CHST11: variants seen among roughly 807,000 people sequenced by gnomAD.
CHST11 encodes C4S-1.
Under a neutral mutation model 30.4 loss-of-function variants are expected in CHST11, and 9 were observed. The ratio of observed to expected loss-of-function variants is 0.30; its 90% CI spans 0.18 to 0.52. CHST11 has a LOEUF of 0.52. Among genes scored for constraint, CHST11 ranks in the 20% least tolerant of loss-of-function variants. The pLI is 0.97. For missense variants in CHST11, 348 were observed against 460.6 expected, an observed-to-expected ratio of 0.76 and a Z score of 2.24; for synonymous variants, 152 against 187.8, an observed-to-expected ratio of 0.81 and a Z score of 1.56.
chr12:104,529,052 A>G (rs545237964), intron 1 of CHST11, among the ~76,000 whole-genome samples: 123 of 152,338 alleles, frequency 8.1e-4, no homozygotes, highest in African/African-American at 2.6e-3. Context: ...ATTTTACCTT[A>G]GTGCTCAGGC....
At position 104,506,838 on chromosome 12, in the gene CHST11, A is replaced by G. The variant is rs2135978508; in HGVS notation, c.118+49309A>G. ...GTTACTTGGCTAGAGGAGGGACCAC[A>G]GGGAGGGGAGAGGGGACATATACAG... On this transcript the variant is annotated intron_variant, in intron 1 of 2. Transcript: ENST00000303694. Among the ~76,000 whole-genome samples the G allele has an allele frequency of 2.0e-5, 3 of 152,274 alleles. 1 individual carries two copies. In the South Asian group the frequency reaches 6.2e-4, roughly 32 times the overall value.
chr12:104,704,077 G>A (rs1180876175), intron 2 of CHST11, among the ~76,000 whole-genome samples: 12 of 152,204 alleles, frequency 7.9e-5, no homozygotes, highest in Non-Finnish European at 1.0e-4. Flanking sequence ...GAAGTCAAAC[G>A]TTCGTCGAAC....
intron 2 of CHST11, among the ~76,000 whole-genome samples, chr12:104,670,080 G>T (rs527503416): frequency 6.6e-6 from 1 of 152,212 alleles, no homozygotes; most frequent in Admixed American, 6.5e-5. Flanking sequence ...GGACAGAGGC[G>T]GAAGCTTGCC....
chr12:104,505,977 A>C (rs2037900691), intron 1 of CHST11, among the ~76,000 whole-genome samples: 1 of 152,216 alleles, frequency 6.6e-6, no homozygotes, highest in Non-Finnish European at 1.5e-5. Context: ...TGGGGTGGGA[A>C]GTGAGGCTGG....
chr12:104,519,405 G>A (rs2038055833), intron 1 of CHST11, among the ~76,000 whole-genome samples: 1 of 152,126 alleles, frequency 6.6e-6, no homozygotes, highest in Admixed American at 6.5e-5. Context: ...TAAACTTAAA[G>A]GAGGGCACAG....
At chr12:104,475,312 A>G (rs949644568) in intron 1 of CHST11, among the ~76,000 whole-genome samples, 1 of 152,066 alleles carries the variant, frequency 6.6e-6, no homozygotes, top group Non-Finnish European at 1.5e-5. Context: ...CAGACCCATA[A>G]TTGTTAGCTG....
chr12:104,585,441 A>C (rs2038794501), intron 1 of CHST11, among the ~76,000 whole-genome samples: 1 of 152,262 alleles, frequency 6.6e-6, no homozygotes, highest in Non-Finnish European at 1.5e-5. Flanking sequence ...ATAATTAGAA[A>C]GACAAGGGAG....
chr12:104,611,529 A>C (rs2039059535), intron 2 of CHST11, among the ~76,000 whole-genome samples: 1 of 152,342 alleles, frequency 6.6e-6, no homozygotes. Context: ...TCCAGTAGCT[A>C]CTATGGGCCA....
At chr12:104,557,690 G>A (rs1737423242) in intron 1 of CHST11, among the ~76,000 whole-genome samples, 1 of 152,060 alleles carries the variant, frequency 6.6e-6, no homozygotes, top group African/African-American at 2.4e-5. Flanking sequence ...GAAGGAGGGT[G>A]GATTGTCCCT....
At chr12:104,690,629 C>T (rs1440663017) in intron 2 of CHST11, among the ~76,000 whole-genome samples, 1 of 152,130 alleles carries the variant, frequency 6.6e-6, no homozygotes, top group Non-Finnish European at 1.5e-5. Context: ...AGTTCTAGAC[C>T]GGCCTGGGCA....
intron 2 of CHST11, among the ~76,000 whole-genome samples, chr12:104,715,943 A>G (rs569103772): frequency 1.3e-5 from 2 of 152,266 alleles, no homozygotes; most frequent in East Asian, 3.9e-4. Flanking sequence ...ATCCGCGTTT[A>G]ATGGACAGCC....
In CHST11 at chr12:104,742,566, C is replaced by T. The variant is rs145600388; in HGVS notation, c.205-14383C>T. On this transcript the variant is annotated intron_variant, in intron 2 of 2. Transcript: ENST00000303694. ...CCTCACCGTTGTTCCTGTTCCGGGC[C>T]ACCATTCATCGGAAAGCAGGCCAGC... Among the ~76,000 whole-genome samples, 648 of 152,324 alleles carry T rather than the reference C, an allele frequency of 4.3e-3. 6 individuals carry two copies. The highest frequency in any genetic ancestry group is 0.015 in the African/African-American group (621 of 41,568).
At chr12:104,581,162 T>C (rs970386090) in intron 1 of CHST11, among the ~76,000 whole-genome samples, 1 of 152,220 alleles carries the variant, frequency 6.6e-6, no homozygotes, top group Non-Finnish European at 1.5e-5. Flanking sequence ...TGGATGCTTC[T>C]TGCATCCTTA....
intron 2 of CHST11, among the ~76,000 whole-genome samples, chr12:104,733,796 A>G (rs2040275599): frequency 6.6e-6 from 1 of 152,242 alleles, no homozygotes; most frequent in Non-Finnish European, 1.5e-5. Flanking sequence ...CACTGATCTT[A>G]TCTATACTGC....
intron 1 of CHST11, among the ~76,000 whole-genome samples, chr12:104,546,455 C>A (rs2038349971): frequency 8.4e-6 from 1 of 118,998 alleles, no homozygotes; most frequent in Admixed American, 9.0e-5. Context: ...GTGACAGACC[C>A]TGTCTCAAAA....
chr12:104,601,126 C>T (rs1592787718), intron 1 of CHST11, among the ~76,000 whole-genome samples: 1 of 152,080 alleles, frequency 6.6e-6, no homozygotes, highest in Non-Finnish European at 1.5e-5. Flanking sequence ...CTCCCTTCCT[C>T]CTTCCTCCTC....
intron 2 of CHST11, among the ~76,000 whole-genome samples, chr12:104,653,174 AACC>A (rs1214112885): frequency 6.6e-6 from 1 of 152,098 alleles, no homozygotes; most frequent in Admixed American, 6.5e-5. Flanking sequence ...AGCCTCTCGT[AACC>A]ACCATTCTAC....
At chr12:104,751,285 C>T (rs1234236603) in intron 2 of CHST11, among the ~76,000 whole-genome samples, 2 of 152,212 alleles carry the variant, frequency 1.3e-5, no homozygotes, top group East Asian at 3.8e-4. Context: ...TATTTCTCTG[C>T]TCATCTTAGT....
At chr12:104,494,283 GCTTGT>G (rs2037778445) in intron 1 of CHST11, among the ~76,000 whole-genome samples, 1 of 152,176 alleles carries the variant, frequency 6.6e-6, no homozygotes, top group Non-Finnish European at 1.5e-5. Context: ...AAAGGCAGGA[GCTTGT>G]GAGCTTGTGA....
Sources: allele counts gnomAD v4.1 joint callset (sites outside exome capture counted in the v4.1 genomes callset), GRCh38; gene constraint gnomAD v4.1.1; transcripts MANE v1.5; gene names NCBI Gene and HGNC (gene_info 2026-07-23, HGNC 2026-07-21).